LIAS: variants seen among roughly 807,000 people sequenced by gnomAD.
The protein encoded by LIAS is lipoyl synthase, mitochondrial.
A neutral mutation model predicts 49.4 loss-of-function variants in LIAS; 36 were observed. That is an observed-to-expected ratio of 0.73 (90% confidence interval 0.56 to 0.96). The LOEUF (loss-of-function observed/expected upper bound fraction) is 0.96. Among genes scored for constraint, LIAS ranks in the 40% least tolerant of loss-of-function variants. The pLI, the probability that LIAS is intolerant of heterozygous loss-of-function variation, is 0.00. For missense variants in LIAS, 399 were observed against 456.3 expected (o/e 0.87, Z 1.14); for synonymous variants, 145 against 155.8 (o/e 0.93, Z 0.52).
At position 39,470,150 on chromosome 4, in the gene LIAS, A is replaced by T. The variant is rs1744929854; in HGVS notation, c.869A>T (p.Tyr290Phe). 1 of 1,611,096 alleles carries T rather than the reference A, an allele frequency of 6.2e-7. No individual in the cohort carries two copies. Among genetic ancestry groups the T allele is most frequent in the African/African-American group, 1.3e-5 (1 of 74,994 alleles). ...TTAGGCGAGAATGATGAGCAAGTATATGCAACAATGAAAGGTAAAGAAATT... is the reference window on the plus strand; with the variant it reads ...TTAGGCGAGAATGATGAGCAAGTATTTGCAACAATGAAAGGTAAAGAAATT... ...LGLGENDEQV[Y>F]ATMKALREAD... The change falls in exon 8 of 11, where the codon TAT becomes TTT. Residue 290 changes from tyrosine to phenylalanine, a missense_variant. By Grantham distance (22) the Tyr-to-Phe change is conservative (BLOSUM62 3). Transcript: ENST00000640888.
intron 9 of LIAS, among the ~76,000 whole-genome samples, chr4:39,471,818 G>A (rs1275882437): frequency 2.0e-5 from 3 of 151,788 alleles, no homozygotes; most frequent in South Asian, 4.1e-4. Context: ...GTGAGCCACC[G>A]CACCCAGCCA....
Position 39,477,244 on chromosome 4 carries a change from A to T in LIAS, c.*129A>T, listed in dbSNP as rs1254082964. 1 of 707,994 alleles carries T rather than the reference A, an allele frequency of 1.4e-6. No individual in the cohort carries two copies. The highest frequency in any genetic ancestry group is 1.9e-5 in the African/African-American group (1 of 53,580). The allele number at this position is 707,994 out of a possible 1,614,324, so 43.9% of individuals were successfully genotyped here. A position where few individuals can be genotyped will look rare whatever the true frequency, so the allele number is the denominator to read the frequency against. ...CTCTTTGCTTAAAAAAAAAAATGTC[A>T]ATAGCCAGGCATAGTGGCTCACGCC... On this transcript the variant is annotated 3_prime_UTR_variant, in exon 11 of 11. Transcript: ENST00000640888.
intron 1 of LIAS, 178 bp downstream of exon 1, chr4:39,459,340 GTC>G: frequency 1.6e-6 from 1 of 621,764 alleles, no homozygotes; most frequent in Non-Finnish European, 2.8e-6. Context: ...ATGATATAGA[GTC>G]TCTGGCATCA....
In LIAS at chr4:39,459,121, T is replaced by A; in HGVS notation, c.4T>A (p.Ser2Thr). 1 of 1,614,094 alleles carries A rather than the reference T, an allele frequency of 6.2e-7. No individual in the cohort carries two copies. The highest frequency in any genetic ancestry group is 1.3e-5 in the African/African-American group (1 of 75,058). The part of the protein sequence containing the change: M[S>T]LRCGDAARTL... ...CTGCGCTAGTCCTAAAGAGGAAATG[T>A]CTCTACGCTGCGGGGATGCAGCCCG... is the stretch of plus-strand genomic sequence containing the variant. The change falls in exon 1 of 11, where the codon TCT (serine) becomes ACT (threonine). Residue 2 changes from serine to threonine, a missense_variant. Transcript: ENST00000640888.
In LIAS at chr4:39,459,193, G is replaced by GGGGT. The variant is rs755281327; in HGVS notation, c.45+35_45+38dup. On this transcript the variant is annotated intron_variant, in intron 1 of 10. Coordinates refer to ENST00000640888, the MANE Select transcript of LIAS (RefSeq NM_006859.4). ...CGGCGGGGCGAACGGGTTTGGGCGTGGGGTGGGGGGATCCTATCCCTTCAG... is the reference window on the plus strand; with the variant it reads ...CGGCGGGGCGAACGGGTTTGGGCGTGGGGTGGGTGGGGGGATCCTATCCCTTCAG... The GGGGT allele has an allele frequency of 7.5e-6, 12 of 1,603,672 alleles. No homozygotes were observed. The South Asian group carries it at 1.3e-4, about 18-fold the overall frequency.
At chr4:39,471,340 T>TTA in intron 9 of LIAS, 34 bp downstream of exon 9, 2 of 1,534,910 alleles carry the variant, frequency 1.3e-6, no homozygotes, top group African/African-American at 1.4e-5. Context: ...TTTTTTTTTT[T>TTA]TTTATTTTTA....
chr4:39,459,327 C>G lies in LIAS; in HGVS notation c.45+165C>G, dbSNP rs1744318294. ...AATCTCATGTAATTATCCCGCCAGC[C>G]CCATGATATAGAGTCTCTGGCATCA... On this transcript the variant is annotated intron_variant, in intron 1 of 10. Coordinates refer to ENST00000640888, the MANE Select transcript of LIAS (RefSeq NM_006859.4). The G allele has an allele frequency of 1.7e-5, 11 of 637,870 alleles. No individual in the cohort carries two copies. The East Asian group carries it at 3.0e-4, about 17-fold the overall frequency. The allele number at this position is 637,870 out of a possible 1,614,324, so 39.5% of individuals were successfully genotyped here.
Position 39,478,903 on chromosome 4 carries a change from A to G in LIAS, c.*1788A>G, listed in dbSNP as rs1745299435. 1 of 152,200 alleles carries G rather than the reference A, an allele frequency of 6.6e-6. No individual in the cohort carries two copies. The highest frequency in any genetic ancestry group is 2.1e-4 in the South Asian group (1 of 4,828). The allele number at this position is 152,200 out of a possible 1,614,324, so 9.4% of individuals were successfully genotyped here. A position where few individuals can be genotyped will look rare whatever the true frequency, so the allele number is the denominator to read the frequency against. On this transcript the variant is annotated 3_prime_UTR_variant, in exon 11 of 11. Transcript: ENST00000640888. ...TTTTGAATTCTTATAACGAGCCAGT[A>G]TTATAAAAGTAATGCACATCCTTGC...
At chr4:39,469,649 A>C (rs1195873491) in intron 7 of LIAS, 1 of 167,600 alleles carries the variant, frequency 6.0e-6, no homozygotes, top group East Asian at 1.6e-4. Flanking sequence ...ATGAACTTGA[A>C]AGTTTCAACC....
At chr4:39,467,872 A>C (rs1418016662) in intron 7 of LIAS, 2 of 239,090 alleles carry the variant, frequency 8.4e-6, no homozygotes, top group Non-Finnish European at 1.6e-5. Context: ...ACCCAGCAAT[A>C]TCAGTTACTA....
chr4:39,459,305 C>T (rs1744316056), intron 1 of LIAS, 143 bp downstream of exon 1: 4 of 693,320 alleles, frequency 5.8e-6, no homozygotes, highest in Non-Finnish European at 9.5e-6. Context: ...TTCGTGTAAT[C>T]TCATGTAATT....
rs573167114 is a variant in LIAS at position 39,460,450 on chromosome 4, C to T, written c.46-340C>T. 4.6e-4 allele frequency among the ~76,000 whole-genome samples: 68 copies of T among 147,678 alleles called. No homozygotes were observed. The East Asian group carries it at 0.012, about 27-fold the overall frequency. ...TCAGGAGGCTGAGGCAGGAGAATGG[C>T]GTGAACCCGGGAGGCGGAGCTTGCG... On this transcript the variant is annotated intron_variant, in intron 1 of 10. Coordinates refer to ENST00000640888, the MANE Select transcript of LIAS (RefSeq NM_006859.4).
chr4:39,471,517 ATTTTTTTTTTTTTTT>A, intron 9 of LIAS, among the ~76,000 whole-genome samples: 1 of 74,352 alleles, frequency 1.3e-5, no homozygotes, highest in Middle Eastern at 0.011. Context: ...CATATATATA[ATTTTTTTTTTTTTTT>A]TTTTTTTTTT....
Position 39,470,047 on chromosome 4 carries a change from G to T in LIAS, c.766G>T (p.Asp256Tyr), listed in dbSNP as rs751866383. ...SKVRDPRANF[D>Y]QSLRVLKHAK... ...GGTTCGTGATCCTCGGGCCAATTTTGATCAGTCCCTACGTGTACTGAAACA... is the reference window on the plus strand; with the variant it reads ...GGTTCGTGATCCTCGGGCCAATTTTTATCAGTCCCTACGTGTACTGAAACA... The change falls in exon 8 of 11, where the codon GAT becomes TAT. Residue 256 changes from aspartate to tyrosine, a missense_variant. This residue lies in a region of LIAS where 234 missense variants were observed against 292.2 expected (regional missense o/e 0.80). Transcript: ENST00000640888. The T allele has an allele frequency of 6.2e-7, 1 of 1,610,080 alleles. No homozygotes were observed.
At chr4:39,468,697 G>A (rs1236766130) in intron 7 of LIAS, among the ~76,000 whole-genome samples, 1 of 149,950 alleles carries the variant, frequency 6.7e-6, no homozygotes, top group African/African-American at 2.4e-5. Context: ...TGGCCAACAT[G>A]ATGAAACCCC....
At chr4:39,470,264 T>C (rs1249478314) in intron 8 of LIAS, 100 bp downstream of exon 8, 1 of 890,370 alleles carries the variant, frequency 1.1e-6, no homozygotes, top group Non-Finnish European at 1.6e-6. Context: ...GAAAAGTATA[T>C]GGTTATAGAT....
intron 8 of LIAS, chr4:39,470,691 C>T (rs2687975): frequency 0.3 from 46,952 of 156,790 alleles, 7,112 homozygotes; most frequent in Admixed American, 0.32. Flanking sequence ...TTAATTTTAG[C>T]TGAGGACCCT....
intron 10 of LIAS, chr4:39,473,845 A>G (rs1290167998): frequency 6.6e-6 from 1 of 152,226 alleles, no homozygotes; most frequent in African/African-American, 2.4e-5. Context: ...TCATTTTCCA[A>G]GGGATAAAAA....
intron 9 of LIAS, 42 bp from the exon 10 acceptor site, chr4:39,473,058 T>C (rs376985547): frequency 5.7e-5 from 67 of 1,183,408 alleles, no homozygotes; most frequent in Non-Finnish European, 1.1e-5. Context: ...AGAATCAAAG[T>C]GGAATTCTAA....
Sources: allele counts gnomAD v4.1 joint callset (sites outside exome capture counted in the v4.1 genomes callset), GRCh38; gene constraint gnomAD v4.1.1; regional missense constraint gnomAD v4.1.1; transcripts MANE v1.5; gene names NCBI Gene and HGNC (gene_info 2026-07-23, HGNC 2026-07-21).